Variants in CRTC3 observed in about 807,000 individuals in gnomAD.
The protein encoded by CRTC3 is CREB regulated transcription coactivator 3, also known as CREB-regulated transcription coactivator 3.
Under a neutral mutation model 74.5 loss-of-function variants are expected in CRTC3, and 26 were observed. The observed-to-expected ratio is 0.35, with a 90% CI of 0.26 to 0.48. The LOEUF (loss-of-function observed/expected upper bound fraction) is 0.48, where lower values mean the gene tolerates loss of function less well. Ranked by LOEUF, CRTC3 falls within the 20% of genes least tolerant of loss-of-function variation. The pLI is 0.99. For missense variants in CRTC3, 760 were observed against 787.3 expected (o/e 0.97, Z 0.41); for synonymous variants, 377 against 325.8 (o/e 1.16, Z -1.69).
At chr15:90,558,896 C>T (rs908612799) in intron 2 of CRTC3, among the ~76,000 whole-genome samples, 8 of 151,808 alleles carry the variant, frequency 5.3e-5, no homozygotes, top group Admixed American at 2.6e-4. Flanking sequence ...GGACTACAGA[C>T]GTGTGCTACC....
intron 8 of CRTC3, 126 bp downstream of exon 8, chr15:90,618,094 G>A (rs1968541052): frequency 1.7e-6 from 1 of 605,364 alleles, no homozygotes; most frequent in Admixed American, 2.7e-5. Context: ...TCTGAGAACA[G>A]AGATAAGAAT....
Position 90,641,226 on chromosome 15 carries a change from T to C in CRTC3, c.1651+27T>C, listed in dbSNP as rs374467922. On this transcript the variant is annotated intron_variant, in intron 14 of 14. Coordinates refer to ENST00000268184, the MANE Select transcript of CRTC3 (RefSeq NM_022769.5). ...TGAGCGAGCTATCCCTCAGCTTCTTTACTGCTTTTATGTTGTTGTGTGTTC... is the reference window on the plus strand; with the variant it reads ...TGAGCGAGCTATCCCTCAGCTTCTTCACTGCTTTTATGTTGTTGTGTGTTC... The C allele has an allele frequency of 5.0e-6, 7 of 1,405,282 alleles. No individual in the cohort carries two copies. The East Asian group carries it at 9.1e-5, about 18-fold the overall frequency. The allele number at this position is 1,405,282 out of a possible 1,614,324, so 87.1% of individuals were successfully genotyped here. A position where few individuals can be genotyped will look rare whatever the true frequency, so the allele number is the denominator to read the frequency against.
At chr15:90,537,136 A>G (rs1039163785) in intron 1 of CRTC3, among the ~76,000 whole-genome samples, 4 of 152,224 alleles carry the variant, frequency 2.6e-5, no homozygotes, top group African/African-American at 9.6e-5. Context: ...GACAGTCTCA[A>G]AGTTCTTTTT....
At chr15:90,593,399 TTTA>T (rs1967845031) in intron 2 of CRTC3, among the ~76,000 whole-genome samples, 2 of 152,216 alleles carry the variant, frequency 1.3e-5, no homozygotes, top group Non-Finnish European at 1.5e-5. Flanking sequence ...CATGACAACT[TTTA>T]TTATTCTTTC....
intron 14 of CRTC3, 140 bp downstream of exon 14, chr15:90,641,339 G>A: frequency 1.6e-6 from 1 of 637,302 alleles, no homozygotes; most frequent in Non-Finnish European, 2.8e-6. Flanking sequence ...TTTTTGAGAT[G>A]CAGGTGTCCA....
intron 11 of CRTC3, among the ~76,000 whole-genome samples, chr15:90,636,910 G>A (rs1229770330): frequency 1.3e-5 from 2 of 152,142 alleles, no homozygotes; most frequent in Non-Finnish European, 2.9e-5. Flanking sequence ...AACAACAGGT[G>A]CTGGAGAGGA....
chr15:90,573,284 C>T (rs191956316), intron 2 of CRTC3, among the ~76,000 whole-genome samples: 1 of 152,114 alleles, frequency 6.6e-6, no homozygotes, highest in African/African-American at 2.4e-5. Flanking sequence ...TGTGGGATAC[C>T]TTGGAGTCTG....
At chr15:90,577,169 A>G (rs557560516) in intron 2 of CRTC3, among the ~76,000 whole-genome samples, 145 of 152,132 alleles carry the variant, frequency 9.5e-4, no homozygotes, top group Non-Finnish European at 1.8e-3. Flanking sequence ...GCCACTTTCA[A>G]TCTCCCCATT....
chr15:90,639,574 T>C (rs563097708), intron 13 of CRTC3, among the ~76,000 whole-genome samples: 1 of 150,996 alleles, frequency 6.6e-6, no homozygotes, highest in East Asian at 2.0e-4. Context: ...CTCAGACTCC[T>C]GAGTAATTGG....
chr15:90,554,265 G>A (rs534556850), intron 2 of CRTC3, among the ~76,000 whole-genome samples: 7 of 150,902 alleles, frequency 4.6e-5, no homozygotes, highest in South Asian at 4.2e-4. Context: ...GTGCAGTGGC[G>A]TGATCTTGGC....
intron 3 of CRTC3, chr15:90,598,971 A>G: frequency 5.8e-6 from 1 of 172,886 alleles, no homozygotes. Flanking sequence ...CCTGGTGCCC[A>G]GGGATCCTGA....
At chr15:90,592,613 T>A (rs1967826397) in intron 2 of CRTC3, among the ~76,000 whole-genome samples, 1 of 152,236 alleles carries the variant, frequency 6.6e-6, no homozygotes, top group African/African-American at 2.4e-5. Flanking sequence ...TTATCTACAA[T>A]CTGTTTCTGC....
intron 11 of CRTC3, 52 bp downstream of exon 11, chr15:90,629,584 T>C (rs756210308): frequency 8.3e-6 from 13 of 1,573,492 alleles, no homozygotes; most frequent in African/African-American, 5.4e-5. Context: ...CTGCAAGATA[T>C]AGGAAGTGCA....
chr15:90,636,997 G>A (rs574316954), intron 11 of CRTC3, among the ~76,000 whole-genome samples: 10 of 152,274 alleles, frequency 6.6e-5, no homozygotes, highest in African/African-American at 1.7e-4. Flanking sequence ...TCAGTGTGGC[G>A]ATTCCTTAGG....
chr15:90,609,914 A>G lies in CRTC3; in HGVS notation c.577+2436A>G, dbSNP rs140587842. Among the ~76,000 whole-genome samples, 162 of 152,354 alleles carry G rather than the reference A, an allele frequency of 1.1e-3. 2 individuals are homozygous for G. The East Asian group carries it at 0.014, about 13-fold the overall frequency. On this transcript the variant is annotated intron_variant, in intron 6 of 14. Coordinates refer to ENST00000268184, the MANE Select transcript of CRTC3 (RefSeq NM_022769.5). ...AGCAGTTAGAAATTGTTGGGCTACAATATCTGACAACCATGGAGGGTGGGC... is the reference window on the plus strand; with the variant it reads ...AGCAGTTAGAAATTGTTGGGCTACAGTATCTGACAACCATGGAGGGTGGGC...
rs1358498933 is a variant in CRTC3 at position 90,624,018 on chromosome 15, C to T, written c.750-1758C>T. On this transcript the variant is annotated intron_variant, in intron 9 of 14. Transcript: ENST00000268184. ...AGCCTCCCCAGGTCAGCTGGGCTTC[C>T]CTCCACATGGCCTCCCTCCAGGCTC... 2.0e-5 allele frequency among the ~76,000 whole-genome samples: 3 copies of T among 152,166 alleles called. No homozygotes were observed. In the East Asian group the frequency reaches 5.8e-4, roughly 29 times the overall value.
At chr15:90,635,189 T>C (rs1305970971) in intron 11 of CRTC3, among the ~76,000 whole-genome samples, 1 of 151,848 alleles carries the variant, frequency 6.6e-6, no homozygotes, top group Non-Finnish European at 1.5e-5. Context: ...TGTACTGATA[T>C]AAACATTTCC....
Position 90,580,411 on chromosome 15 carries a change from G to T in CRTC3, c.232-13225G>T, listed in dbSNP as rs1172963220. Among the ~76,000 whole-genome samples the T allele has an allele frequency of 2.6e-5, 4 of 151,354 alleles. No individual in the cohort carries two copies. In the South Asian group the frequency reaches 8.3e-4, roughly 32 times the overall value. On this transcript the variant is annotated intron_variant, in intron 2 of 14. Coordinates refer to ENST00000268184, the MANE Select transcript of CRTC3 (RefSeq NM_022769.5). ...GGCTTCCTTAGTGTCAGTCCCGCTG[G>T]TTTTTCTTCTTCTTCTTTTTTTTTT...
At chr15:90,618,315 C>T (rs543567307) in intron 8 of CRTC3, 111 of 171,788 alleles carry the variant, frequency 6.5e-4, no homozygotes, top group African/African-American at 2.5e-3. Context: ...TTTTAGCCAG[C>T]ACTTTATACC....
Sources: allele counts gnomAD v4.1 joint callset (sites outside exome capture counted in the v4.1 genomes callset), GRCh38; gene constraint gnomAD v4.1.1; transcripts MANE v1.5; gene names NCBI Gene and HGNC (gene_info 2026-07-23, HGNC 2026-07-21).